The following DPF2 variants were observed in gnomAD, a reference collection of about 807,000 sequenced individuals.
DPF2 encodes the protein zinc finger protein ubi-d4.
Under a neutral mutation model 59.6 loss-of-function variants are expected in DPF2, and 10 were observed. The observed-to-expected ratio is 0.17, with a 90% confidence interval of 0.10 to 0.28. The LOEUF (loss-of-function observed/expected upper bound fraction) is 0.28. Among genes scored for constraint, DPF2 ranks in the 10% least tolerant of loss-of-function variants. The probability of loss-of-function intolerance (pLI) is 1.00; values close to 1 mark genes in which losing one functional copy is unlikely to be tolerated. For missense variants in DPF2, 315 were observed against 509.4 expected, an observed-to-expected ratio of 0.62 and a Z score of 3.67; for synonymous variants, 189 against 190.6, an observed-to-expected ratio of 0.99 and a Z score of 0.07.
At chr11:65,339,158 A>G (rs1013934883) in intron 1 of DPF2, among the ~76,000 whole-genome samples, 4 of 152,052 alleles carry the variant, frequency 2.6e-5, no homozygotes, top group African/African-American at 9.7e-5. Context: ...CTCTATTCCC[A>G]GATACTTGGG....
chr11:65,340,506 A>G lies in DPF2; in HGVS notation c.154A>G (p.Asn52Asp). The G allele has an allele frequency of 6.2e-7, 1 of 1,614,196 alleles. No individual in the cohort carries two copies. The highest frequency in any genetic ancestry group is 2.2e-5 in the East Asian group (1 of 44,888). ...LDSQTGVAQS[N>D]CYIWMEKRHR... The stretch of plus-strand genomic sequence containing the variant: ...CTCACAGACCGGAGTAGCCCAGAGC[A>G]ATTGTTACATCTGGATGGAAAAGCG... Residue 52 changes from asparagine (N) to aspartate (D), a missense_variant, in exon 2 of 11, where the codon AAT becomes GAT. Asn to Asp is a conservative substitution (Grantham distance 23). Around this residue, in one of 4 missense-constraint regions of DPF2, gnomAD observed 228 missense variants for 275.3 expected, o/e 0.83. Coordinates refer to ENST00000528416, the MANE Select transcript of DPF2 (RefSeq NM_006268.5).
chr11:65,343,166 G>A (rs1355557484), intron 4 of DPF2, among the ~76,000 whole-genome samples: 1 of 151,936 alleles, frequency 6.6e-6, no homozygotes. Context: ...AGGTGTGGTG[G>A]CGCATGCCTG....
At chr11:65,334,898 G>A (rs1414280798) in intron 1 of DPF2, among the ~76,000 whole-genome samples, 1 of 152,140 alleles carries the variant, frequency 6.6e-6, no homozygotes, top group South Asian at 2.1e-4. Flanking sequence ...ACGAGGTAAA[G>A]GTTCGGTAAC....
chr11:65,343,125 C>T lies in DPF2; in HGVS notation c.466-620C>T, dbSNP rs1409412012. Among the ~76,000 whole-genome samples, 12 of 151,996 alleles carry T rather than the reference C, an allele frequency of 7.9e-5. No individual in the cohort carries two copies. The East Asian group carries it at 1.9e-3, about 24-fold the overall frequency. ...GACCAGCCTGACCAAGATGAAGAAA[C>T]CCCGTCTCTACTAAAAATCCAAAAT... is the stretch of plus-strand genomic sequence containing the variant. On this transcript the variant is annotated intron_variant, in intron 4 of 10. Coordinates refer to ENST00000528416, the MANE Select transcript of DPF2 (RefSeq NM_006268.5).
chr11:65,349,974 A>G (rs1311694349), intron 10 of DPF2, among the ~76,000 whole-genome samples: 2 of 152,114 alleles, frequency 1.3e-5, no homozygotes, highest in Non-Finnish European at 2.9e-5. Context: ...CCCTCTAGAG[A>G]ATGAGGCCCC....
chr11:65,340,966 G>A lies in DPF2; in HGVS notation c.194G>A (p.Gly65Glu), dbSNP rs753577088. ...ACTTCTATCTTTCTTCCTGCCACAGGATTGGCCTCCGGACAGCTGTACTCC... is the reference window on the plus strand; with the variant it reads ...ACTTCTATCTTTCTTCCTGCCACAGAATTGGCCTCCGGACAGCTGTACTCC... ...IWMEKRHRGP[G>E]LASGQLYSYP... Residue 65 changes from glycine to glutamate, a missense_variant and splice_region_variant, in exon 3 of 11, where the codon GGA becomes GAA. Transcript: ENST00000528416. The A allele has an allele frequency of 2.5e-6, 4 of 1,613,976 alleles. No homozygotes were observed. Among genetic ancestry groups the A allele is most frequent in the Non-Finnish European group, 3.4e-6 (4 of 1,179,982 alleles).
chr11:65,348,826 C>T (rs762855033), intron 9 of DPF2, 24 bp from the exon 10 acceptor site: 16 of 1,613,528 alleles, frequency 9.9e-6, no homozygotes, highest in South Asian at 3.3e-5. Context: ...CAGTCCCCAT[C>T]CTCTTCCCTC....
chr11:65,340,024 A>T (rs565976069), intron 1 of DPF2, among the ~76,000 whole-genome samples: 3 of 152,194 alleles, frequency 2.0e-5, no homozygotes, highest in Non-Finnish European at 4.4e-5. Context: ...AGGGACTATC[A>T]TCTGCTTCTT....
At chr11:65,336,092 C>T (rs1950091849) in intron 1 of DPF2, among the ~76,000 whole-genome samples, 1 of 151,878 alleles carries the variant, frequency 6.6e-6, no homozygotes, top group African/African-American at 2.4e-5. Flanking sequence ...GGATTATAGG[C>T]GTGAGCCACC....
At chr11:65,349,669 G>A (rs376804384) in intron 10 of DPF2, among the ~76,000 whole-genome samples, 2 of 152,256 alleles carry the variant, frequency 1.3e-5, no homozygotes, top group South Asian at 2.1e-4. Flanking sequence ...GGTGGCGGGC[G>A]CCTGTAGTCC....
At chr11:65,340,668 G>A in intron 2 of DPF2, 123 bp downstream of exon 2, 3 of 1,356,108 alleles carry the variant, frequency 2.2e-6, no homozygotes, top group Non-Finnish European at 3.0e-6. Flanking sequence ...GATGAATATG[G>A]TCTTCCTGTG....
intron 4 of DPF2, chr11:65,341,800 T>C (rs1448200218): frequency 9.2e-6 from 4 of 432,742 alleles, no homozygotes; most frequent in South Asian, 5.0e-5. Context: ...TATACACATA[T>C]ATAATTTTCA....
chr11:65,351,856 CA>C lies in DPF2; in HGVS notation c.*100del. Reference sequence around the variant, plus strand: ...TTTCCCTTCTTCCTCCTCTCCTTCACAAATCCAGAGAACCTTGGGGTGGTTG... The same window carrying C: ...TTTCCCTTCTTCCTCCTCTCCTTCACAATCCAGAGAACCTTGGGGTGGTTG... On this transcript the variant is annotated 3_prime_UTR_variant, in exon 11 of 11. Transcript: ENST00000528416. 7.2e-7 allele frequency: 1 copy of C among 1,391,160 alleles called. No individual in the cohort carries two copies. Among genetic ancestry groups the C allele is most frequent in the Non-Finnish European group, 1.0e-6 (1 of 997,924 alleles). 86.2% of individuals were successfully genotyped at this position (1,391,160 alleles called of 1,614,324 possible).
At position 65,343,806 on chromosome 11, in the gene DPF2, C is replaced by T; in HGVS notation, c.527C>T (p.Thr176Ile). 2 of 1,591,598 alleles carry T rather than the reference C, an allele frequency of 1.3e-6. No individual in the cohort carries two copies. Among genetic ancestry groups the T allele is most frequent in the Non-Finnish European group, 1.7e-6 (2 of 1,168,596 alleles). The change falls in exon 5 of 11, where the codon ACT (threonine) becomes ATT (isoleucine). Residue 176 changes from threonine to isoleucine, a missense_variant. Thr to Ile is a moderately conservative substitution (Grantham distance 89, BLOSUM62 -1). Around this residue, in one of 4 missense-constraint regions of DPF2, gnomAD observed 228 missense variants for 275.3 expected, o/e 0.83. Coordinates refer to ENST00000528416, the MANE Select transcript of DPF2 (RefSeq NM_006268.5). ...GATGATGAAGACTATGAAGAAGATACTCCCAAGCGTCGGGGAAAGGGGAAA... is the reference window on the plus strand; with the variant it reads ...GATGATGAAGACTATGAAGAAGATATTCCCAAGCGTCGGGGAAAGGGGAAA... The part of the protein sequence containing the change: ...DLDDEDYEED[T>I]PKRRGKGKSK...
chr11:65,350,385 T>C (rs545566005), intron 10 of DPF2, among the ~76,000 whole-genome samples: 17 of 149,794 alleles, frequency 1.1e-4, no homozygotes, highest in Admixed American at 1.1e-3. Flanking sequence ...TTTTTTTTTT[T>C]TTTTTTTGAG....
In DPF2 at chr11:65,351,232, C is replaced by CA. The variant is rs966901362; in HGVS notation, c.1100-443dup. 1.6e-4 allele frequency among the ~76,000 whole-genome samples: 24 copies of CA among 151,752 alleles called. No individual in the cohort carries two copies. In the East Asian group the frequency reaches 3.9e-3, roughly 24 times the overall value. ...CAAGGCATTAAGGACTAATTTTATT[C>CA]AAAAAAAATTAGAAGAATTCAGCCA... On this transcript the variant is annotated intron_variant, in intron 10 of 10. Transcript: ENST00000528416.
chr11:65,343,577 G>A (rs1854442467), intron 4 of DPF2, 168 bp from the exon 5 acceptor site: 1 of 621,020 alleles, frequency 1.6e-6, no homozygotes, highest in East Asian at 2.7e-5. Flanking sequence ...GTATGGAAGG[G>A]AGCAGGAGCA....
intron 1 of DPF2, among the ~76,000 whole-genome samples, chr11:65,337,710 TC>T (rs1475026067): frequency 1.3e-4 from 19 of 151,604 alleles, no homozygotes; most frequent in Non-Finnish European, 7.4e-5. Context: ...CTCAAATGAT[TC>T]CCCTACCTCA....
intron 4 of DPF2, 139 bp downstream of exon 4, chr11:65,341,701 C>A: frequency 1.7e-6 from 2 of 1,176,536 alleles, no homozygotes; most frequent in Non-Finnish European, 1.2e-6. Flanking sequence ...TTACTTCAGT[C>A]CCTGATTATT....
Sources: allele counts gnomAD v4.1 joint callset (sites outside exome capture counted in the v4.1 genomes callset), GRCh38; gene constraint gnomAD v4.1.1; regional missense constraint gnomAD v4.1.1; transcripts MANE v1.5; gene names NCBI Gene and HGNC (gene_info 2026-07-23, HGNC 2026-07-21).